The following LDB2 variants were observed in gnomAD, a reference collection of about 807,000 sequenced individuals.
The protein encoded by LDB2 is LIM domain-binding protein 2.
In LDB2, 12 loss-of-function variants were observed where a neutral mutation model predicts 44.3. That is an observed-to-expected ratio of 0.27 (90% CI 0.17 to 0.44). LDB2 has a LOEUF of 0.44. Ranked by LOEUF, LDB2 falls within the 20% of genes least tolerant of loss-of-function variation. The pLI is 1.00. For synonymous variants in LDB2, 164 were observed against 174.8 expected (o/e 0.94, Z 0.49); for missense variants, 344 against 473.5 (o/e 0.73, Z 2.54).
chr4:16,596,341 G>C (rs1420414467), intron 2 of LDB2, among the ~76,000 whole-genome samples: 2 of 152,064 alleles, frequency 1.3e-5, no homozygotes, highest in African/African-American at 4.8e-5. Context: ...ATGCTTTGTA[G>C]TGTGTAAAGT....
intron 1 of LDB2, among the ~76,000 whole-genome samples, chr4:16,834,934 T>C (rs2110072847): frequency 6.6e-6 from 1 of 152,274 alleles, no homozygotes; most frequent in South Asian, 2.1e-4. Context: ...AATTATTGGT[T>C]GAACAACAGA....
intron 6 of LDB2, among the ~76,000 whole-genome samples, chr4:16,510,825 A>G (rs150966770): frequency 1.1e-4 from 17 of 152,346 alleles, no homozygotes; most frequent in South Asian, 4.1e-4. Context: ...TCTGGAGCCT[A>G]ATAAATCTCA....
At position 16,670,258 on chromosome 4, in the gene LDB2, C is replaced by A. The variant is rs1436451121; in HGVS notation, c.236-74383G>T. 5.3e-5 allele frequency among the ~76,000 whole-genome samples: 8 copies of A among 152,170 alleles called. No homozygotes were observed. In the East Asian group the frequency reaches 1.5e-3, roughly 29 times the overall value. On this transcript the variant is annotated intron_variant, in intron 2 of 7. Coordinates refer to ENST00000304523, the MANE Select transcript of LDB2 (RefSeq NM_001290.5). ...GGACAGTCTACTGGTACAAGCCAAT[C>A]TAAGTAGGTCGCTTAGATATTTGGT...
Position 16,898,393 on chromosome 4 carries a change from T to G in LDB2, c.93A>C (p.Arg31=). 1 of 1,613,862 alleles carries G rather than the reference T, an allele frequency of 6.2e-7. No homozygotes were observed. Reference sequence around the variant, plus strand: ...GCAGTCTCTTGTTCATCTCATAGATTCGGTACTCTGGCTGTACCATGTATG... The same window carrying G: ...GCAGTCTCTTGTTCATCTCATAGATGCGGTACTCTGGCTGTACCATGTATG... ...HTPYMVQPEY[R]IYEMNKRLQS... Residue 31 remains arginine, a synonymous_variant, in exon 1 of 8, where the codon CGA becomes CGC. Coordinates refer to ENST00000304523, the MANE Select transcript of LDB2 (RefSeq NM_001290.5).
chr4:16,520,855 C>G (rs1055015101), intron 5 of LDB2, among the ~76,000 whole-genome samples: 11 of 152,132 alleles, frequency 7.2e-5, no homozygotes, highest in Admixed American at 7.2e-4. Flanking sequence ...TCCGTTAGGC[C>G]CATGAAGAGA....
intron 7 of LDB2, chr4:16,506,216 A>G (rs1719361987): frequency 9.0e-6 from 4 of 442,412 alleles, no homozygotes; most frequent in Non-Finnish European, 1.6e-5. Flanking sequence ...AACGCTTATC[A>G]TTTAATGTCC....
At chr4:16,646,829 AT>A (rs987595582) in intron 2 of LDB2, among the ~76,000 whole-genome samples, 2 of 152,218 alleles carry the variant, frequency 1.3e-5, no homozygotes, top group Non-Finnish European at 2.9e-5. Flanking sequence ...GTTACAAACA[AT>A]GGTCAATATA....
At position 16,894,809 on chromosome 4, in the gene LDB2, T is replaced by A. The variant is rs183426566; in HGVS notation, c.132+3545A>T. On this transcript the variant is annotated intron_variant, in intron 1 of 7. Coordinates refer to ENST00000304523, the MANE Select transcript of LDB2 (RefSeq NM_001290.5). ...ACTGATTGGCTAGTCAGCAAATGTTTAATGAGTACCTACTTGGTCCAGGAA... is the reference window on the plus strand; with the variant it reads ...ACTGATTGGCTAGTCAGCAAATGTTAAATGAGTACCTACTTGGTCCAGGAA... Among the ~76,000 whole-genome samples the A allele has an allele frequency of 2.0e-5, 3 of 152,340 alleles. No homozygotes were observed. In the East Asian group the frequency reaches 5.8e-4, roughly 29 times the overall value.
intron 1 of LDB2, among the ~76,000 whole-genome samples, chr4:16,845,428 C>T (rs1561420835): frequency 1.3e-5 from 2 of 152,150 alleles, no homozygotes; most frequent in Non-Finnish European, 2.9e-5. Flanking sequence ...ACCCAGATGG[C>T]AATAGGCAAA....
chr4:16,763,073 CCACACACACACACACACA>C (rs57168902), intron 1 of LDB2, among the ~76,000 whole-genome samples: 2 of 140,138 alleles, frequency 1.4e-5, no homozygotes, highest in East Asian at 2.2e-4. Context: ...TTAGGTAACA[CCACACACACACACACACA>C]CACACACACA....
chr4:16,777,892 C>T (rs902602826), intron 1 of LDB2, among the ~76,000 whole-genome samples: 3 of 152,124 alleles, frequency 2.0e-5, no homozygotes, highest in Non-Finnish European at 4.4e-5. Flanking sequence ...ACTTTCTTTT[C>T]TTTCTCTTGG....
chr4:16,631,845 A>C (rs1732050386), intron 2 of LDB2, among the ~76,000 whole-genome samples: 1 of 152,252 alleles, frequency 6.6e-6, no homozygotes, highest in African/African-American at 2.4e-5. Flanking sequence ...GAAGAAATGG[A>C]TAAATTCCTA....
At chr4:16,814,298 G>T (rs569899302) in intron 1 of LDB2, among the ~76,000 whole-genome samples, 3 of 152,278 alleles carry the variant, frequency 2.0e-5, no homozygotes, top group African/African-American at 4.8e-5. Flanking sequence ...GTGGCTACTC[G>T]TCTGTTCCAG....
intron 2 of LDB2, among the ~76,000 whole-genome samples, chr4:16,664,431 C>T (rs564721199): frequency 6.6e-6 from 1 of 152,112 alleles, no homozygotes; most frequent in East Asian, 1.9e-4. Context: ...ATATGGAACA[C>T]AAAATTTGCT....
intron 5 of LDB2, among the ~76,000 whole-genome samples, chr4:16,525,132 G>A (rs1727734833): frequency 6.6e-6 from 1 of 152,116 alleles, no homozygotes; most frequent in Non-Finnish European, 1.5e-5. Flanking sequence ...CCTGCCTCCT[G>A]CCCTGGGATA....
In LDB2 at chr4:16,595,547, C is replaced by T. The variant is rs1466027091; in HGVS notation, c.408+156G>A. Reference sequence around the variant, plus strand: ...TTAGAACCGTGTTCACCCCAAGAGTCAAGCCATGTCACAAACAAGAAAGAT... The same window carrying T: ...TTAGAACCGTGTTCACCCCAAGAGTTAAGCCATGTCACAAACAAGAAAGAT... On this transcript the variant is annotated intron_variant, in intron 3 of 7. Coordinates refer to ENST00000304523, the MANE Select transcript of LDB2 (RefSeq NM_001290.5). 2.6e-5 allele frequency among the ~76,000 whole-genome samples: 4 copies of T among 152,124 alleles called. No individual in the cohort carries two copies. The East Asian group carries it at 7.7e-4, about 29-fold the overall frequency.
chr4:16,859,947 G>T (rs1192599513), intron 1 of LDB2, among the ~76,000 whole-genome samples: 9 of 152,170 alleles, frequency 5.9e-5, no homozygotes, highest in Admixed American at 5.9e-4. Context: ...TTAGAGACAA[G>T]TACTATTATT....
At chr4:16,802,027 TTC>T (rs1777922694) in intron 1 of LDB2, among the ~76,000 whole-genome samples, 1 of 152,198 alleles carries the variant, frequency 6.6e-6, no homozygotes, top group South Asian at 2.1e-4. Flanking sequence ...AGGCTGTGGT[TTC>T]CATTTGTCAA....
At chr4:16,737,468 G>A (rs1225467128) in intron 2 of LDB2, among the ~76,000 whole-genome samples, 1 of 151,752 alleles carries the variant, frequency 6.6e-6, no homozygotes, top group Non-Finnish European at 1.5e-5. Flanking sequence ...AAGAAAATTC[G>A]ATGTGTACAC....
Sources: gnomAD v4.1 joint callset for allele counts (sites outside exome capture counted in the v4.1 genomes callset) on GRCh38, gnomAD v4.1.1 for gene constraint, MANE v1.5 for transcripts, NCBI Gene and HGNC (gene_info 2026-07-23, HGNC 2026-07-21) for gene names.